BOLL: variants seen among roughly 807,000 people sequenced by gnomAD.
BOLL encodes protein boule-like.
Under a neutral mutation model 44.4 loss-of-function variants are expected in BOLL, and 23 were observed. The ratio of observed to expected loss-of-function variants is 0.52; its 90% CI spans 0.37 to 0.73. The LOEUF (loss-of-function observed/expected upper bound fraction) is 0.73. BOLL is among the 30% of genes least tolerant of loss of function. BOLL has a pLI of 0.00. For synonymous variants in BOLL, 97 were observed against 110.8 expected (o/e 0.88, Z 0.78); for missense variants, 287 against 338.3 (o/e 0.85, Z 1.19).
chr2:197,748,077 G>C (rs558396991), intron 9 of BOLL, among the ~76,000 whole-genome samples: 14 of 152,338 alleles, frequency 9.2e-5, no homozygotes, highest in African/African-American at 3.4e-4. Context: ...TGGTTAGACA[G>C]TGGGTGCAGC....
At chr2:197,758,028 G>A (rs700649) in intron 7 of BOLL, among the ~76,000 whole-genome samples, 75,206 of 151,978 alleles carry the variant, frequency 0.49, 19,260 homozygotes, top group African/African-American at 0.6. Flanking sequence ...GGCACGTGGA[G>A]AAATTAGAAC....
In BOLL at chr2:197,728,570, C is replaced by CCA; in HGVS notation, c.835_836dup (p.Trp279CysfsTer36). On this transcript the variant is annotated frameshift_variant, in exon 11 of 11. Coordinates refer to ENST00000392296, the MANE Select transcript of BOLL (RefSeq NM_033030.6). LOFTEE classifies it high-confidence loss of function. ...CCCAATTGTCTTAATAATGAATGCT[C>CCA]CACACTGTCTGTTAAGTAAAGAGAA... 6.2e-7 allele frequency: 1 copy of CCA among 1,607,160 alleles called. No homozygotes were observed. The highest frequency in any genetic ancestry group is 2.2e-5 in the East Asian group (1 of 44,848).
intron 9 of BOLL, among the ~76,000 whole-genome samples, chr2:197,750,509 A>G (rs1356091753): frequency 6.6e-6 from 1 of 152,266 alleles, no homozygotes; most frequent in African/African-American, 2.4e-5. Context: ...AGTCTCTGAT[A>G]AAACAGACTT....
At chr2:197,759,493 C>T (rs987178646) in intron 7 of BOLL, among the ~76,000 whole-genome samples, 3 of 152,156 alleles carry the variant, frequency 2.0e-5, no homozygotes, top group Non-Finnish European at 2.9e-5. Context: ...GCTGCTACAG[C>T]GTGACAGCAT....
At chr2:197,729,015 CG>C (rs1212784868) in intron 10 of BOLL, among the ~76,000 whole-genome samples, 2 of 152,166 alleles carry the variant, frequency 1.3e-5, no homozygotes, top group African/African-American at 4.8e-5. Flanking sequence ...CAGCTCCCAG[CG>C]TGAGCGACGC....
At chr2:197,742,780 A>G (rs952467429) in intron 10 of BOLL, among the ~76,000 whole-genome samples, 5 of 152,128 alleles carry the variant, frequency 3.3e-5, no homozygotes, top group East Asian at 1.9e-4. Flanking sequence ...AAACCTGCAC[A>G]TTGTGCACAT....
intron 10 of BOLL, among the ~76,000 whole-genome samples, chr2:197,731,210 A>G (rs1687158027): frequency 6.6e-6 from 1 of 152,016 alleles, no homozygotes; most frequent in Non-Finnish European, 1.5e-5. Context: ...ATCAAAAGAG[A>G]CAAAGAAGGC....
At chr2:197,744,590 G>A (rs1211249658) in intron 9 of BOLL, among the ~76,000 whole-genome samples, 2 of 152,204 alleles carry the variant, frequency 1.3e-5, no homozygotes, top group African/African-American at 4.8e-5. Context: ...TGAAGTAGCA[G>A]AAATTCTGAA....
chr2:197,777,974 A>AT (rs951376301), intron 3 of BOLL, among the ~76,000 whole-genome samples: 10 of 151,978 alleles, frequency 6.6e-5, no homozygotes, highest in African/African-American at 1.9e-4. Flanking sequence ...GTTTTACGCT[A>AT]TTTTTTTGGT....
At chr2:197,741,785 T>G (rs972745735) in intron 10 of BOLL, among the ~76,000 whole-genome samples, 1 of 152,100 alleles carries the variant, frequency 6.6e-6, no homozygotes, top group Non-Finnish European at 1.5e-5. Context: ...CCAAAAGCCA[T>G]GGCAACAAAA....
intron 1 of BOLL, among the ~76,000 whole-genome samples, chr2:197,782,545 C>T (rs1340270523): frequency 1.3e-5 from 2 of 152,188 alleles, no homozygotes; most frequent in Non-Finnish European, 2.9e-5. Flanking sequence ...TGACGCTATA[C>T]ATTCCAGAGT....
At chr2:197,768,515 A>G (rs1241873219) in intron 6 of BOLL, among the ~76,000 whole-genome samples, 2 of 151,832 alleles carry the variant, frequency 1.3e-5, no homozygotes, top group African/African-American at 4.8e-5. Flanking sequence ...AAATACACCA[A>G]TGGAACAAAA....
chr2:197,735,602 C>T (rs1687448986), intron 10 of BOLL, among the ~76,000 whole-genome samples: 1 of 152,076 alleles, frequency 6.6e-6, no homozygotes, highest in East Asian at 1.9e-4. Flanking sequence ...TGCCTGTGCC[C>T]TCTAGCCAAA....
intron 4 of BOLL, 45 bp downstream of exon 4, chr2:197,777,014 T>C: frequency 7.0e-7 from 1 of 1,433,094 alleles, no homozygotes; most frequent in Non-Finnish European, 9.6e-7. Flanking sequence ...TAGTTTCAAA[T>C]ACAAAATTTC....
intron 10 of BOLL, among the ~76,000 whole-genome samples, chr2:197,738,699 T>C (rs1490509885): frequency 6.6e-6 from 1 of 152,150 alleles, no homozygotes; most frequent in Non-Finnish European, 1.5e-5. Context: ...GTTGTAATCA[T>C]TAGAGCTTTA....
chr2:197,747,670 C>T, intron 9 of BOLL, among the ~76,000 whole-genome samples: 1 of 149,954 alleles, frequency 6.7e-6, no homozygotes, highest in East Asian at 2.0e-4. Context: ...ATCTTAAGAT[C>T]CAACTGTGGA....
intron 3 of BOLL, 32 bp from the exon 4 acceptor site, chr2:197,777,145 T>TG: frequency 2.2e-6 from 3 of 1,366,780 alleles, no homozygotes; most frequent in Non-Finnish European, 3.0e-6. Flanking sequence ...TACTAATTAA[T>TG]CATTTTCTTA....
At position 197,728,518 on chromosome 2, in the gene BOLL, G is replaced by T. The variant is rs1686954539; in HGVS notation, c.*37C>A. 1 of 1,613,972 alleles carries T rather than the reference G, an allele frequency of 6.2e-7. No homozygotes were observed. Among genetic ancestry groups the T allele is most frequent in the African/African-American group, 1.3e-5 (1 of 74,910 alleles). ...CGGCCACGCAAGGATCATTGGACAA[G>T]AAATCAGTTGAGCTGGAATAGAGCT... On this transcript the variant is annotated 3_prime_UTR_variant, in exon 11 of 11. Coordinates refer to ENST00000392296, the MANE Select transcript of BOLL (RefSeq NM_033030.6).
intron 9 of BOLL, among the ~76,000 whole-genome samples, chr2:197,743,903 C>T (rs533856413): frequency 1.7e-3 from 252 of 150,010 alleles, no homozygotes; most frequent in Non-Finnish European, 3.1e-3. Flanking sequence ...TTCCACCTCC[C>T]GGCTTCACAC....
Sources: allele counts gnomAD v4.1 joint callset (sites outside exome capture counted in the v4.1 genomes callset), GRCh38; gene constraint gnomAD v4.1.1; transcripts MANE v1.5; gene names NCBI Gene and HGNC (gene_info 2026-07-23, HGNC 2026-07-21).